BBS2: variants seen among roughly 807,000 people sequenced by gnomAD.
BBS2 encodes Bardet-Biedl syndrome 2, also known as BBSome complex member BBS2.
Under a neutral mutation model 83.0 loss-of-function variants are expected in BBS2, and 62 were observed. The observed-to-expected ratio is 0.75, with a 90% CI of 0.61 to 0.92. BBS2 has a LOEUF of 0.92. Ranked by LOEUF, BBS2 falls within the 40% of genes least tolerant of loss-of-function variation. The pLI is 0.00. For missense variants in BBS2, 784 were observed against 901.0 expected, an observed-to-expected ratio of 0.87 and a Z score of 1.66; for synonymous variants, 303 against 326.1, an observed-to-expected ratio of 0.93 and a Z score of 0.76.
chr16:56,479,201 T>C (rs1963597692), intron 17 of BBS2: 1 of 152,268 alleles, frequency 6.6e-6, no homozygotes, highest in Admixed American at 6.5e-5. Context: ...CCCGGCATAG[T>C]GGCTCACACC....
chr16:56,500,459 C>A, intron 11 of BBS2: 2 of 259,986 alleles, frequency 7.7e-6, no homozygotes, highest in Non-Finnish European at 1.5e-5. Context: ...ACTCCTGTCT[C>A]TACTAAAAAT....
intron 7 of BBS2, 107 bp downstream of exon 7, chr16:56,505,843 A>T: frequency 1.2e-6 from 1 of 847,032 alleles, no homozygotes; most frequent in Non-Finnish European, 2.0e-6. Flanking sequence ...TTGCCAAGGA[A>T]CGAACTGAAG....
At chr16:56,479,337 G>C (rs1431858777) in intron 17 of BBS2, among the ~76,000 whole-genome samples, 1 of 152,148 alleles carries the variant, frequency 6.6e-6, no homozygotes. Flanking sequence ...AGCTGGGTGT[G>C]CTGGCACGTG....
intron 17 of BBS2, among the ~76,000 whole-genome samples, chr16:56,472,180 G>A (rs1963226465): frequency 6.6e-6 from 1 of 151,446 alleles, no homozygotes; most frequent in Admixed American, 6.6e-5. Flanking sequence ...ATGTTGCCCA[G>A]GCTGGTCTCA....
chr16:56,492,735 C>A (rs1224190902), intron 15 of BBS2, among the ~76,000 whole-genome samples: 1 of 152,146 alleles, frequency 6.6e-6, no homozygotes, highest in Non-Finnish European at 1.5e-5. Flanking sequence ...ACAAACTCCA[C>A]TGGCAAGGCT....
intron 15 of BBS2, among the ~76,000 whole-genome samples, chr16:56,493,152 C>A (rs1487064361): frequency 6.6e-6 from 1 of 151,798 alleles, no homozygotes; most frequent in Non-Finnish European, 1.5e-5. Flanking sequence ...TTTGGGAAGC[C>A]AAGGTGGGAG....
At chr16:56,510,129 G>T in intron 4 of BBS2, 95 bp from the exon 5 acceptor site, 1 of 1,048,432 alleles carries the variant, frequency 9.5e-7, no homozygotes, top group Non-Finnish European at 1.5e-6. Context: ...TTTGCATGCT[G>T]CTTCTGCCAC....
chr16:56,490,786 G>A (rs1305573579), intron 15 of BBS2, among the ~76,000 whole-genome samples: 1 of 150,978 alleles, frequency 6.6e-6, no homozygotes, highest in Non-Finnish European at 1.5e-5. Flanking sequence ...TTTTGAGATG[G>A]AGTCTCACTC....
At chr16:56,491,281 C>T (rs146040965) in intron 15 of BBS2, among the ~76,000 whole-genome samples, 125 of 152,194 alleles carry the variant, frequency 8.2e-4, no homozygotes, top group African/African-American at 2.9e-3. Context: ...GGGGGCAGAT[C>T]CCTCATGAAT....
intron 1 of BBS2, among the ~76,000 whole-genome samples, chr16:56,518,906 C>T (rs1013436814): frequency 3.3e-5 from 5 of 152,134 alleles, no homozygotes; most frequent in Non-Finnish European, 7.3e-5. Flanking sequence ...GCCCAGTAAT[C>T]GCACATAGTA....
intron 17 of BBS2, chr16:56,475,526 C>G (rs181095853): frequency 1.9e-6 from 3 of 1,613,762 alleles, no homozygotes. Flanking sequence ...CAGAATATGG[C>G]GGTTTTACTT....
At chr16:56,482,279 G>T (rs1221135215), downstream of BBS2, among the ~76,000 whole-genome samples, 1 of 152,124 alleles carries the variant, frequency 6.6e-6, no homozygotes, top group African/African-American at 2.4e-5. Flanking sequence ...CACTAGACAG[G>T]TCACACAGGT....
downstream of BBS2, chr16:56,470,425 T>C (rs565472876): frequency 2.9e-4 from 413 of 1,446,602 alleles, 7 homozygotes; most frequent in South Asian, 4.7e-3. Context: ...GATCAGCTTT[T>C]ATTCTGTGAG....
intron 17 of BBS2, chr16:56,476,070 T>A: frequency 6.2e-7 from 1 of 1,613,212 alleles, no homozygotes; most frequent in Non-Finnish European, 8.5e-7. Flanking sequence ...CAGAAAGCAA[T>A]TCTTTGGCAT....
rs187490232 is a variant in BBS2, at chr16:56,501,310, T to C, written c.1225+43A>G. The C allele has an allele frequency of 3.3e-3, 5,338 of 1,608,088 alleles. 146 individuals are homozygous for C. In the South Asian group the frequency reaches 0.043, roughly 13 times the overall value. ...AAAAAAAAAAAGAATGACTCCAAGA[T>C]GGCACAGGTGCCTCTAAATACCAGC... On this transcript the variant is annotated intron_variant, in intron 10 of 16. Transcript: ENST00000245157.
rs777426924 is a variant in BBS2, at chr16:56,519,874, C to T, written c.-12G>A. 5 of 1,607,916 alleles carry T rather than the reference C, an allele frequency of 3.1e-6. No individual in the cohort carries two copies. The African/African-American group carries it at 5.3e-5, about 17-fold the overall frequency. On this transcript the variant is annotated 5_prime_UTR_variant, in exon 1 of 17. Transcript: ENST00000245157. ...ACAGGCAGCAGCATGATGGCGGCGG[C>T]TTAGGGGAGGAGGGCTGGAAGCTGG...
At chr16:56,497,937 T>C in intron 13 of BBS2, 57 bp from the exon 14 acceptor site, 1 of 1,570,012 alleles carries the variant, frequency 6.4e-7, no homozygotes, top group African/African-American at 1.3e-5. Context: ...CAAACTTAGC[T>C]AAAATAGTAC....
intron 17 of BBS2, chr16:56,477,769 T>C (rs1963545439): frequency 6.6e-6 from 1 of 152,236 alleles, no homozygotes; most frequent in African/African-American, 2.4e-5. Context: ...CAGTAGTGTT[T>C]AGTGTGGGTT....
intron 12 of BBS2, 39 bp downstream of exon 12, chr16:56,499,739 C>T: frequency 1.9e-6 from 3 of 1,612,868 alleles, no homozygotes; most frequent in East Asian, 2.2e-5. Context: ...AAGGATTCTA[C>T]TGTGTAAAAG....
Sources: gnomAD v4.1 joint callset for allele counts (sites outside exome capture counted in the v4.1 genomes callset) on GRCh38, gnomAD v4.1.1 for gene constraint, MANE v1.5 for transcripts, NCBI Gene and HGNC (gene_info 2026-07-23, HGNC 2026-07-21) for gene names.